GLDC: variants seen among roughly 807,000 people sequenced by gnomAD.
The protein encoded by GLDC is glycine decarboxylase.
Under a neutral mutation model 121.3 loss-of-function variants are expected in GLDC, and 104 were observed. That is an observed-to-expected ratio of 0.86 (90% CI 0.73 to 1.01). GLDC has a LOEUF of 1.01. GLDC is among the 50% of genes least tolerant of loss of function. GLDC has a pLI of 0.00. For synonymous variants in GLDC, 546 were observed against 480.6 expected, an observed-to-expected ratio of 1.14 and a Z score of -1.78; for missense variants, 1,429 against 1,306.6, an observed-to-expected ratio of 1.09 and a Z score of -1.44.
intron 19 of GLDC, 26 bp from the exon 20 acceptor site, chr9:6,553,535 A>G: frequency 6.2e-7 from 1 of 1,611,896 alleles, no homozygotes; most frequent in Non-Finnish European, 8.5e-7. Context: ...GTGCAAATTC[A>G]GAAAATGTAA....
At chr9:6,554,345 CTTTCTAG>C (rs1817574500) in intron 19 of GLDC, among the ~76,000 whole-genome samples, 1 of 152,134 alleles carries the variant, frequency 6.6e-6, no homozygotes, top group East Asian at 1.9e-4. Flanking sequence ...CCGAAAGGCA[CTTTCTAG>C]TGCCAATATT....
chr9:6,563,155 G>A (rs1433818702), intron 16 of GLDC, among the ~76,000 whole-genome samples: 6 of 152,156 alleles, frequency 3.9e-5, no homozygotes, highest in Non-Finnish European at 8.8e-5. Flanking sequence ...CACAAGTCAC[G>A]GAAGAACCCC....
intron 5 of GLDC, among the ~76,000 whole-genome samples, chr9:6,606,375 T>C (rs1818733912): frequency 6.7e-6 from 1 of 150,228 alleles, no homozygotes; most frequent in African/African-American, 2.5e-5. Flanking sequence ...GCAATGGCAA[T>C]TGTGTATTTC....
At chr9:6,544,268 G>A (rs1177885703) in intron 21 of GLDC, among the ~76,000 whole-genome samples, 1 of 152,144 alleles carries the variant, frequency 6.6e-6, no homozygotes, top group Non-Finnish European at 1.5e-5. Flanking sequence ...AAGCGGGACT[G>A]AGCAGGGTCA....
rs116781930 is a variant in GLDC at position 6,548,085 on chromosome 9, G to C, written c.2569+2718C>G. 9.9e-3 allele frequency among the ~76,000 whole-genome samples: 1,506 copies of C among 152,252 alleles called. 28 individuals carry two copies. Among genetic ancestry groups the C allele is most frequent in the African/African-American group, 0.035 (1,436 of 41,534 alleles). ...GCCCAGGAGCTGAAGATTGCAATGAGCTGCCATGGCACCACTGCACTTCAG... is the reference window on the plus strand; with the variant it reads ...GCCCAGGAGCTGAAGATTGCAATGACCTGCCATGGCACCACTGCACTTCAG... On this transcript the variant is annotated intron_variant, in intron 21 of 24. Coordinates refer to ENST00000321612, the MANE Select transcript of GLDC (RefSeq NM_000170.3).
chr9:6,610,134 A>T lies in GLDC; in HGVS notation c.635+58T>A, dbSNP rs895158613. On this transcript the variant is annotated intron_variant, in intron 4 of 24. Coordinates refer to ENST00000321612, the MANE Select transcript of GLDC (RefSeq NM_000170.3). ...ATTCACAATATACTATAGAAAGAAA[A>T]CAAGGCCAGGCGAGGTGGCCCACAA... The T allele has an allele frequency of 1.4e-5, 19 of 1,332,922 alleles. No individual in the cohort carries two copies. The Admixed American group carries it at 2.9e-4, about 21-fold the overall frequency. 82.6% of individuals were successfully genotyped at this position (1,332,922 alleles called of 1,614,324 possible). A position where few individuals can be genotyped will look rare whatever the true frequency, so the allele number is the denominator to read the frequency against.
At chr9:6,644,718 A>T (rs941153385) in intron 1 of GLDC, 26 bp from the exon 2 acceptor site, 4 of 1,520,346 alleles carry the variant, frequency 2.6e-6, no homozygotes, top group Non-Finnish European at 3.7e-6. Context: ...AAGGCAGAGG[A>T]AAGTGCCTCT....
chr9:6,644,891 T>G, intron 1 of GLDC, 199 bp from the exon 2 acceptor site: 2 of 633,984 alleles, frequency 3.2e-6, no homozygotes, highest in Non-Finnish European at 5.6e-6. Context: ...ATTCCGCCAC[T>G]CGGGGTTGGA....
intron 2 of GLDC, among the ~76,000 whole-genome samples, chr9:6,624,830 A>G (rs1457345659): frequency 6.6e-6 from 1 of 152,036 alleles, no homozygotes; most frequent in Non-Finnish European, 1.5e-5. Flanking sequence ...TCTACTAAAA[A>G]CACAAAAATT....
chr9:6,623,683 G>C (rs1819170410), intron 2 of GLDC, among the ~76,000 whole-genome samples: 1 of 152,170 alleles, frequency 6.6e-6, no homozygotes, highest in African/African-American at 2.4e-5. Flanking sequence ...GAGTCTTGAA[G>C]TTATTAGTTT....
intron 15 of GLDC, among the ~76,000 whole-genome samples, chr9:6,586,781 G>A (rs901708814): frequency 3.9e-5 from 6 of 152,174 alleles, no homozygotes; most frequent in Non-Finnish European, 7.3e-5. Context: ...GTGTAACTTA[G>A]GAGGTTCGGC....
At chr9:6,556,375 C>T in intron 17 of GLDC, 73 bp from the exon 18 acceptor site, 2 of 1,225,962 alleles carry the variant, frequency 1.6e-6, no homozygotes, top group East Asian at 2.3e-5. Context: ...CCTCGCCTTT[C>T]ATTTTAAAGG....
chr9:6,635,745 T>C (rs2773511), intron 2 of GLDC, among the ~76,000 whole-genome samples: 94,717 of 151,840 alleles, frequency 0.62, 31,460 homozygotes, highest in African/African-American at 0.86. Flanking sequence ...GTGCTGTGGT[T>C]CTCCTTGTGG....
chr9:6,548,119 A>G (rs1435359150), intron 21 of GLDC, among the ~76,000 whole-genome samples: 2 of 152,254 alleles, frequency 1.3e-5, no homozygotes, highest in Non-Finnish European at 2.9e-5. Context: ...AGCCTGGACA[A>G]CAAACTAATA....
intron 4 of GLDC, among the ~76,000 whole-genome samples, chr9:6,607,986 G>C (rs1021673314): frequency 6.6e-6 from 1 of 152,050 alleles, no homozygotes; most frequent in Non-Finnish European, 1.5e-5. Flanking sequence ...AGCTGGGCAT[G>C]GTGGCATGGG....
rs181068108 is a variant in GLDC at position 6,542,932 on chromosome 9, G to C, written c.2570-2786C>G. Among the ~76,000 whole-genome samples, 803 of 151,032 alleles carry C rather than the reference G, an allele frequency of 5.3e-3. 6 individuals are homozygous for C. The highest frequency in any genetic ancestry group is 0.018 in the African/African-American group (755 of 41,102). On this transcript the variant is annotated intron_variant, in intron 21 of 24. Transcript: ENST00000321612. Reference sequence around the variant, plus strand: ...AAAGAGGTAGAAAATCCTATTCATGGGTAGGTAAACATAGGGAAAAAATGC... The same window carrying C: ...AAAGAGGTAGAAAATCCTATTCATGCGTAGGTAAACATAGGGAAAAAATGC...
At chr9:6,568,400 C>G (rs944975652) in intron 15 of GLDC, among the ~76,000 whole-genome samples, 4 of 152,152 alleles carry the variant, frequency 2.6e-5, no homozygotes, top group African/African-American at 9.7e-5. Context: ...CATCAACAAA[C>G]TATTATATAT....
rs200413651 is a variant in GLDC at position 6,558,699 on chromosome 9, G to C, written c.1927-15C>G. 29 of 1,614,122 alleles carry C rather than the reference G, an allele frequency of 1.8e-5. No individual in the cohort carries two copies. Among genetic ancestry groups the C allele is most frequent in the East Asian group, 6.7e-5 (3 of 44,890 alleles). On this transcript the variant is annotated splice_polypyrimidine_tract_variant and intron_variant, in intron 16 of 24. Transcript: ENST00000321612. Reference sequence around the variant, plus strand: ...ATGAGGCAAACCTACAGAATAGAAAGGAAGCAAAGAAAGAGCAAAATCATC... The same window carrying C: ...ATGAGGCAAACCTACAGAATAGAAACGAAGCAAAGAAAGAGCAAAATCATC...
At chr9:6,639,883 G>A (rs1164855981) in intron 2 of GLDC, among the ~76,000 whole-genome samples, 1 of 152,024 alleles carries the variant, frequency 6.6e-6, no homozygotes, top group African/African-American at 2.4e-5. Context: ...TGACAATCCA[G>A]GAAACCGAAC....
Sources: allele counts gnomAD v4.1 joint callset (sites outside exome capture counted in the v4.1 genomes callset), GRCh38; gene constraint gnomAD v4.1.1; transcripts MANE v1.5; gene names NCBI Gene and HGNC (gene_info 2026-07-23, HGNC 2026-07-21).